The following CDK8 variants were observed in gnomAD, a reference collection of about 807,000 sequenced individuals.
The protein encoded by CDK8 is cyclin dependent kinase 8, also known as cyclin-dependent kinase 8.
CDK8 carries 29 observed loss-of-function variants against 71.5 expected under a neutral mutation model. The observed-to-expected ratio is 0.41, with a 90% confidence interval of 0.30 to 0.55. CDK8 has a LOEUF of 0.55. Among genes scored for constraint, CDK8 ranks in the 20% least tolerant of loss-of-function variants. CDK8 has a pLI of 0.37. For missense variants in CDK8, 288 were observed against 572.6 expected (o/e 0.50, Z 5.07); for synonymous variants, 161 against 192.1 (o/e 0.84, Z 1.34).
Position 26,327,244 on chromosome 13 carries a change from ATTAAT to A in CDK8, c.129-10319_129-10315del, listed in dbSNP as rs1448343707. Among the ~76,000 whole-genome samples, 4 of 152,232 alleles carry A rather than the reference ATTAAT, an allele frequency of 2.6e-5. No individual in the cohort carries two copies. The East Asian group carries it at 7.7e-4, about 29-fold the overall frequency. Reference sequence around the variant, plus strand: ...ATTTCTCTTGTGATTTACCAAATAAATTAATTTATCAATAAGAATTTTTATAATTT... The same window carrying A: ...ATTTCTCTTGTGATTTACCAAATAAATTATCAATAAGAATTTTTATAATTT... On this transcript the variant is annotated intron_variant, in intron 1 of 12. Transcript: ENST00000381527.
chr13:26,324,045 A>T (rs1341397033), intron 1 of CDK8, among the ~76,000 whole-genome samples: 2 of 152,172 alleles, frequency 1.3e-5, no homozygotes, highest in African/African-American at 4.8e-5. Flanking sequence ...CCATATCCTT[A>T]CCAATTTAAA....
intron 1 of CDK8, among the ~76,000 whole-genome samples, chr13:26,275,262 C>T (rs1872519360): frequency 6.6e-6 from 1 of 152,136 alleles, no homozygotes; most frequent in Admixed American, 6.5e-5. Context: ...TTTTCTTATC[C>T]ATTTATTCCA....
At chr13:26,400,366 C>G in intron 9 of CDK8, 87 bp from the exon 10 acceptor site, 1 of 808,854 alleles carries the variant, frequency 1.2e-6, no homozygotes, top group Non-Finnish European at 2.1e-6. Flanking sequence ...ATGTTATTCA[C>G]CAAAAAATAT....
At chr13:26,340,248 C>T (rs138007775) in intron 2 of CDK8, among the ~76,000 whole-genome samples, 2,738 of 151,974 alleles carry the variant, frequency 0.018, 35 homozygotes, top group Non-Finnish European at 0.026. Context: ...TGAGTTATTT[C>T]GAATTATATT....
At chr13:26,395,487 C>CAA (rs11361110) in intron 7 of CDK8, among the ~76,000 whole-genome samples, 14 of 94,334 alleles carry the variant, frequency 1.5e-4, no homozygotes, top group South Asian at 1.4e-3. Flanking sequence ...AACTCCGTCT[C>CAA]AAAAAAAAAA....
At chr13:26,382,080 A>T (rs1029470428) in intron 4 of CDK8, among the ~76,000 whole-genome samples, 3 of 151,996 alleles carry the variant, frequency 2.0e-5, no homozygotes, top group Non-Finnish European at 4.4e-5. Context: ...CTCTCCCCTC[A>T]TCCCCTCCTT....
rs538824578 is a variant in CDK8, at chr13:26,387,825, A to G, written c.646+2483A>G. On this transcript the variant is annotated intron_variant, in intron 6 of 12. Transcript: ENST00000381527. ...TTTCAGAGAGAACTTCCCGGATTACATAGTCTAAAATAGCACCCTACCTCC... is the reference window on the plus strand; with the variant it reads ...TTTCAGAGAGAACTTCCCGGATTACGTAGTCTAAAATAGCACCCTACCTCC... Among the ~76,000 whole-genome samples, 143 of 152,240 alleles carry G rather than the reference A, an allele frequency of 9.4e-4. 1 individual carries two copies. Among genetic ancestry groups the G allele is most frequent in the African/African-American group, 3.3e-3 (138 of 41,536 alleles).
At chr13:26,285,901 A>G (rs1593239284) in intron 1 of CDK8, among the ~76,000 whole-genome samples, 1 of 152,128 alleles carries the variant, frequency 6.6e-6, no homozygotes, top group South Asian at 2.1e-4. Context: ...GCTGCAATAA[A>G]TAAATAAACA....
At chr13:26,383,268 G>T (rs1875318562) in intron 5 of CDK8, among the ~76,000 whole-genome samples, 1 of 152,182 alleles carries the variant, frequency 6.6e-6, no homozygotes, top group African/African-American at 2.4e-5. Flanking sequence ...TGCCTCTGTT[G>T]ACCTCGTCTA....
At chr13:26,360,618 A>G (rs532387296) in intron 4 of CDK8, among the ~76,000 whole-genome samples, 43 of 152,298 alleles carry the variant, frequency 2.8e-4, no homozygotes, top group African/African-American at 1.0e-3. Context: ...TCCTGAGGGC[A>G]AAGACTGTGT....
At chr13:26,358,781 G>C (rs1302022433) in intron 4 of CDK8, among the ~76,000 whole-genome samples, 1 of 152,066 alleles carries the variant, frequency 6.6e-6, no homozygotes, top group Non-Finnish European at 1.5e-5. Flanking sequence ...AACAAAATGG[G>C]GTATGTACAT....
intron 1 of CDK8, among the ~76,000 whole-genome samples, chr13:26,332,315 T>C (rs1385066781): frequency 6.6e-6 from 1 of 151,794 alleles, no homozygotes; most frequent in Admixed American, 6.6e-5. Context: ...TGAAACCCTA[T>C]CTCTACTAAA....
Position 26,392,574 on chromosome 13 carries a change from C to T in CDK8, c.647-793C>T, listed in dbSNP as rs376342232. Among the ~76,000 whole-genome samples, 10 of 152,106 alleles carry T rather than the reference C, an allele frequency of 6.6e-5. No homozygotes were observed. The East Asian group carries it at 1.9e-3, about 29-fold the overall frequency. ...ATTTCCTGACCTCGTGATCCGTCCT[C>T]CTCAGCCTCCCAACATGCTGGGATT... On this transcript the variant is annotated intron_variant, in intron 6 of 12. Transcript: ENST00000381527.
chr13:26,264,655 C>G (rs1420956539), intron 1 of CDK8, among the ~76,000 whole-genome samples: 2 of 152,160 alleles, frequency 1.3e-5, no homozygotes, highest in Admixed American at 6.5e-5. Context: ...ACTCTACTAT[C>G]AAACATTGAA....
At chr13:26,385,474 C>T in intron 6 of CDK8, 132 bp downstream of exon 6, 2 of 679,114 alleles carry the variant, frequency 2.9e-6, no homozygotes, top group Admixed American at 3.6e-5. Flanking sequence ...ATGGCTCATG[C>T]CTGTAATCCA....
chr13:26,323,361 G>GAGGGAA (rs1283773664), intron 1 of CDK8, among the ~76,000 whole-genome samples: 4 of 149,400 alleles, frequency 2.7e-5, no homozygotes, highest in Non-Finnish European at 4.5e-5. Context: ...GGGAGAGGGA[G>GAGGGAA]AGGGAGAGGG....
intron 1 of CDK8, among the ~76,000 whole-genome samples, chr13:26,271,428 T>C (rs1044103545): frequency 2.0e-5 from 3 of 152,212 alleles, no homozygotes; most frequent in African/African-American, 7.2e-5. Context: ...TTGACTATTA[T>C]AGGCACTTGT....
chr13:26,312,264 G>C (rs1874319971), intron 1 of CDK8, among the ~76,000 whole-genome samples: 1 of 152,174 alleles, frequency 6.6e-6, no homozygotes, highest in African/African-American at 2.4e-5. Flanking sequence ...GGACAAATAA[G>C]TTAATAAAAG....
chr13:26,342,233 C>CA (rs1424472826), intron 2 of CDK8, among the ~76,000 whole-genome samples: 2 of 152,176 alleles, frequency 1.3e-5, no homozygotes, highest in African/African-American at 4.8e-5. Flanking sequence ...TATTTTAACA[C>CA]AAAATCTTCG....
Sources: allele counts gnomAD v4.1 joint callset (sites outside exome capture counted in the v4.1 genomes callset), GRCh38; gene constraint gnomAD v4.1.1; transcripts MANE v1.5; gene names NCBI Gene and HGNC (gene_info 2026-07-23, HGNC 2026-07-21).